Variants in PCDHGA6 observed in about 807,000 individuals in gnomAD.
PCDHGA6 encodes protocadherin gamma-A6.
A neutral mutation model predicts 60.6 loss-of-function variants in PCDHGA6; 41 were observed. The ratio of observed to expected loss-of-function variants is 0.68; its 90% CI spans 0.53 to 0.88. The LOEUF is 0.88. PCDHGA6 is among the 40% of genes least tolerant of loss of function. The pLI is 0.00. For synonymous variants in PCDHGA6, 594 were observed against 524.4 expected (o/e 1.13, Z -1.81); for missense variants, 1,312 against 1,203.0 (o/e 1.09, Z -1.34).
chr5:141,495,977 T>C (rs2099765025), intron 2 of PCDHGA6, among the ~76,000 whole-genome samples: 1 of 152,174 alleles, frequency 6.6e-6, no homozygotes, highest in Admixed American at 6.5e-5. Flanking sequence ...TCTGTTACTC[T>C]TTCTTTATCT....
intron 1 of PCDHGA6, chr5:141,423,750 TGGGGG>T: frequency 5.2e-5 from 15 of 287,416 alleles, no homozygotes; most frequent in Non-Finnish European, 6.3e-5. Context: ...GAAAACTGTT[TGGGGG>T]GGGGGTGGGG....
At chr5:141,500,615 A>G (rs1341597957) in intron 2 of PCDHGA6, among the ~76,000 whole-genome samples, 1 of 152,232 alleles carries the variant, frequency 6.6e-6, no homozygotes, top group East Asian at 1.9e-4. Flanking sequence ...ATTCCCAGTC[A>G]TACGGTACAT....
At chr5:141,398,621 ACT>A in intron 1 of PCDHGA6, 3 of 1,613,968 alleles carry the variant, frequency 1.9e-6, no homozygotes, top group Non-Finnish European at 2.5e-6. Flanking sequence ...ATTGGCTTAA[ACT>A]CTCTGCAGAA....
rs1049831420 is a variant in PCDHGA6 at position 141,486,549 on chromosome 5, C to T, written c.2425-8258C>T. ...AATCCACCCTCTTTCTTTCAGAGGTCACATGAGGTGTTTGTTCCTGAGAAC... is the reference window on the plus strand; with the variant it reads ...AATCCACCCTCTTTCTTTCAGAGGTTACATGAGGTGTTTGTTCCTGAGAAC... On this transcript the variant is annotated intron_variant, in intron 1 of 3. Coordinates refer to ENST00000517434, the MANE Select transcript of PCDHGA6 (RefSeq NM_018919.3). This position sits in a 1 kb window ranked among gnomAD's most constrained non-coding sequence, Gnocchi z 5.0. The T allele has an allele frequency of 3.1e-6, 5 of 1,613,982 alleles. No individual in the cohort carries two copies. In the African/African-American group the frequency reaches 4.0e-5, roughly 13 times the overall value.
chr5:141,472,980 C>CAAAAAAAAAAAAAAA (rs60579131), intron 1 of PCDHGA6, among the ~76,000 whole-genome samples: 13 of 86,076 alleles, frequency 1.5e-4, no homozygotes, highest in African/African-American at 1.9e-4. Context: ...GAGTGAAACT[C>CAAAAAAAAAAAAAAA]AAAAAAAAAA....
chr5:141,385,265 A>G lies in PCDHGA6; in HGVS notation c.2424+8758A>G. Reference sequence around the variant, plus strand: ...AGCCAGGAGAGCTGTGAGAAAAATGATTCTTTGCTAACATCCGTAGATTTT... The same window carrying G: ...AGCCAGGAGAGCTGTGAGAAAAATGGTTCTTTGCTAACATCCGTAGATTTT... On this transcript the variant is annotated intron_variant, in intron 1 of 3. Transcript: ENST00000517434. 1.2e-6 allele frequency: 2 copies of G among 1,613,710 alleles called. No individual in the cohort carries two copies. Among genetic ancestry groups the G allele is most frequent in the Non-Finnish European group, 1.7e-6 (2 of 1,179,576 alleles).
At chr5:141,461,738 C>A (rs2099021378) in intron 1 of PCDHGA6, among the ~76,000 whole-genome samples, 1 of 150,904 alleles carries the variant, frequency 6.6e-6, no homozygotes. Flanking sequence ...TGGCACAATC[C>A]CGGCTCCCAG....
chr5:141,464,043 T>C (rs2099074643), intron 1 of PCDHGA6, among the ~76,000 whole-genome samples: 2 of 152,074 alleles, frequency 1.3e-5, no homozygotes, highest in African/African-American at 4.8e-5. Context: ...GGCGGGTGGA[T>C]CACCTGAGGT....
At chr5:141,399,655 G>A in intron 1 of PCDHGA6, 2 of 1,613,730 alleles carry the variant, frequency 1.2e-6, no homozygotes, top group South Asian at 1.1e-5. Context: ...AAGTGGGGTG[G>A]TGTTCGCGCA....
chr5:141,420,188 A>G (rs775537913), intron 1 of PCDHGA6: 1 of 1,613,848 alleles, frequency 6.2e-7, no homozygotes, highest in South Asian at 1.1e-5. Context: ...TTGTCCAGCC[A>G]CACAAGATAA....
chr5:141,478,100 C>T, intron 1 of PCDHGA6: 1 of 1,614,124 alleles, frequency 6.2e-7, no homozygotes, highest in Non-Finnish European at 8.5e-7. Context: ...CACTGCTACC[C>T]TCACTGTGTC....
intron 1 of PCDHGA6, chr5:141,478,713 G>A (rs745990290): frequency 1.9e-6 from 3 of 1,546,642 alleles, no homozygotes; most frequent in African/African-American, 2.7e-5. Context: ...TTGTGAGATG[G>A]TGGCCTGCCA....
intron 1 of PCDHGA6, chr5:141,414,233 T>C: frequency 1.2e-6 from 2 of 1,613,474 alleles, no homozygotes; most frequent in African/African-American, 2.7e-5. Context: ...GAGCTGACCA[T>C]CACGTCTCTA....
intron 1 of PCDHGA6, among the ~76,000 whole-genome samples, chr5:141,435,794 C>T (rs993951734): frequency 2.6e-5 from 4 of 151,934 alleles, no homozygotes; most frequent in Admixed American, 6.6e-5. Flanking sequence ...GGAAACATAA[C>T]GTCCCAATTA....
intron 2 of PCDHGA6, among the ~76,000 whole-genome samples, chr5:141,500,184 TTTTATTTATTTATTTATTTA>T (rs58019021): frequency 1.5e-5 from 2 of 135,966 alleles, no homozygotes; most frequent in Non-Finnish European, 3.2e-5. Flanking sequence ...TCATTTTTAT[TTTTATTTATTTATTTATTTA>T]TTTATTTATT....
chr5:141,483,764 A>G (rs1170910094), intron 1 of PCDHGA6, among the ~76,000 whole-genome samples: 1 of 152,104 alleles, frequency 6.6e-6, no homozygotes, highest in East Asian at 1.9e-4. Context: ...AGGCTTGGAA[A>G]AATATTGGGG....
intron 1 of PCDHGA6, chr5:141,418,530 G>A (rs370822103): frequency 5.0e-6 from 8 of 1,613,834 alleles, no homozygotes; most frequent in Non-Finnish European, 6.8e-6. Context: ...CCCCGAAGCG[G>A]TACTGCTCAG....
intron 1 of PCDHGA6, chr5:141,410,309 T>G: frequency 6.2e-7 from 1 of 1,613,998 alleles, no homozygotes; most frequent in Non-Finnish European, 8.5e-7. Flanking sequence ...CTCAGTGCTC[T>G]TCCTCCTCGC....
chr5:141,478,623 GT>G (rs1337268572), intron 1 of PCDHGA6: 14 of 1,554,358 alleles, frequency 9.0e-6, no homozygotes, highest in African/African-American at 1.4e-5. Context: ...GAATGGAGCT[GT>G]TTTTTTAGTG....
Sources: allele counts gnomAD v4.1 joint callset (sites outside exome capture counted in the v4.1 genomes callset), GRCh38; gene constraint gnomAD v4.1.1; non-coding constraint Gnocchi (gnomAD v3.1); transcripts MANE v1.5; gene names NCBI Gene and HGNC (gene_info 2026-07-23, HGNC 2026-07-21).